Variants in ATP6V1G3 observed in about 807,000 individuals in gnomAD.
ATP6V1G3 encodes the protein V-type proton ATPase subunit G 3.
A neutral mutation model predicts 9.3 loss-of-function variants in ATP6V1G3; 9 were observed. The observed-to-expected ratio is 0.97, with a 90% confidence interval of 0.59 to 1.69. The LOEUF is 1.69. ATP6V1G3 is among the 40% of genes most tolerant of loss of function. The probability of loss-of-function intolerance (pLI) is 0.00; values close to 1 mark genes in which losing one functional copy is unlikely to be tolerated. For synonymous variants in ATP6V1G3, 43 were observed against 43.8 expected, an observed-to-expected ratio of 0.98 and a Z score of 0.07; for missense variants, 133 against 139.0, an observed-to-expected ratio of 0.96 and a Z score of 0.22.
chr1:198,529,085 G>A lies in ATP6V1G3; in HGVS notation c.179C>T (p.Ser60Phe), dbSNP rs1659780470. Residue 60 changes from serine to phenylalanine, a missense_variant, in exon 2 of 3, where the codon TCT becomes TTT. Ser to Phe is a radical substitution (Grantham distance 155). Transcript: ENST00000367382. The stretch of plus-strand genomic sequence containing the variant: ...AGTGCTGACTTTCTTACTCACCTTA[G>A]ATTGTTTTAGTCGAAACTCTTTATC... ...QRDKEFRLKQ[S>F]KIMGSQNNLS... 1 of 1,474,192 alleles carries A rather than the reference G, an allele frequency of 6.8e-7. No individual in the cohort carries two copies. The highest frequency in any genetic ancestry group is 9.3e-7 in the Non-Finnish European group (1 of 1,078,060). The allele number at this position is 1,474,192 out of a possible 1,614,324, so 91.3% of individuals were successfully genotyped here.
At chr1:198,536,305 C>T (rs528781693) in intron 1 of ATP6V1G3, among the ~76,000 whole-genome samples, 3 of 152,188 alleles carry the variant, frequency 2.0e-5, no homozygotes, top group Admixed American at 6.5e-5. Flanking sequence ...AAAAATGCAA[C>T]ATATTTCAGA....
intron 2 of ATP6V1G3, among the ~76,000 whole-genome samples, chr1:198,524,024 G>A (rs747453683): frequency 6.6e-6 from 1 of 151,920 alleles, no homozygotes; most frequent in Non-Finnish European, 1.5e-5. Flanking sequence ...GGTTTTTAAA[G>A]AGTGTTTTTC....
chr1:198,523,858 C>T (rs1031499795), intron 2 of ATP6V1G3, among the ~76,000 whole-genome samples: 1 of 152,148 alleles, frequency 6.6e-6, no homozygotes, highest in Non-Finnish European at 1.5e-5. Context: ...TTTTCCATCA[C>T]ATTTTTCATG....
At chr1:198,537,964 C>T (rs913148406) in intron 1 of ATP6V1G3, among the ~76,000 whole-genome samples, 1 of 152,138 alleles carries the variant, frequency 6.6e-6, no homozygotes, top group Non-Finnish European at 1.5e-5. Context: ...ACTTTAATAC[C>T]TGCTGATAGC....
intron 1 of ATP6V1G3, chr1:198,536,685 C>T (rs758949576): frequency 4.4e-6 from 7 of 1,602,158 alleles, no homozygotes; most frequent in African/African-American, 1.3e-5. Context: ...TTACCAGAAG[C>T]AGTCCCAGTC....
intron 1 of ATP6V1G3, among the ~76,000 whole-genome samples, chr1:198,537,554 C>G (rs771784407): frequency 2.0e-5 from 3 of 152,170 alleles, no homozygotes; most frequent in African/African-American, 4.8e-5. Context: ...ATGGTGTTCA[C>G]TATTGTGACT....
intron 1 of ATP6V1G3, among the ~76,000 whole-genome samples, chr1:198,534,352 C>G (rs1220467827): frequency 6.6e-6 from 1 of 152,100 alleles, no homozygotes. Context: ...GATGCAGCTG[C>G]GAGACAAGGA....
chr1:198,538,141 GT>G (rs1409133050), intron 1 of ATP6V1G3, among the ~76,000 whole-genome samples: 1 of 152,082 alleles, frequency 6.6e-6, no homozygotes, highest in Non-Finnish European at 1.5e-5. Context: ...ACTATTACTG[GT>G]TGAATATCCC....
chr1:198,526,992 G>C (rs866545092), intron 2 of ATP6V1G3, among the ~76,000 whole-genome samples: 1 of 152,260 alleles, frequency 6.6e-6, no homozygotes, highest in South Asian at 2.1e-4. Flanking sequence ...ATTTGCTAAC[G>C]TACAGCCCAC....
chr1:198,524,793 A>G (rs933107061), intron 2 of ATP6V1G3, among the ~76,000 whole-genome samples: 1 of 152,222 alleles, frequency 6.6e-6, no homozygotes, highest in Non-Finnish European at 1.5e-5. Context: ...AAAGGCAAGA[A>G]GACTGTTTTA....
At chr1:198,523,995 A>C (rs986242222) in intron 2 of ATP6V1G3, among the ~76,000 whole-genome samples, 15 of 152,162 alleles carry the variant, frequency 9.9e-5, no homozygotes, top group African/African-American at 3.6e-4. Flanking sequence ...AGAGTGTTTA[A>C]AAGTTTTAAA....
At chr1:198,529,930 G>C (rs1536318) in intron 1 of ATP6V1G3, among the ~76,000 whole-genome samples, 7,933 of 152,136 alleles carry the variant, frequency 0.052, 257 homozygotes, top group Middle Eastern at 0.088. Context: ...ATAAACGAAA[G>C]TTTTAGACGA....
In ATP6V1G3 at chr1:198,523,517, T is replaced by A; in HGVS notation, c.231A>T (p.Thr77=). Residue 77 remains threonine (T), a synonymous_variant, in exon 3 of 3, where the codon ACA becomes ACT. Coordinates refer to ENST00000367382, the MANE Select transcript of ATP6V1G3 (RefSeq NM_001376861.1). ...CATTAAGTTCTTGTATCTTCCCTAGTGTTTGTTCTTCTATTTCATCTGAGA... is the reference window on the plus strand; with the variant it reads ...CATTAAGTTCTTGTATCTTCCCTAGAGTTTGTTCTTCTATTTCATCTGAGA... The part of the protein sequence containing the change: ...NNLSDEIEEQ[T]LGKIQELNGH... 6.2e-7 allele frequency: 1 copy of A among 1,613,596 alleles called. No homozygotes were observed.
At chr1:198,524,256 C>T (rs1659571061) in intron 2 of ATP6V1G3, among the ~76,000 whole-genome samples, 1 of 151,782 alleles carries the variant, frequency 6.6e-6, no homozygotes, top group Non-Finnish European at 1.5e-5. Context: ...TCACAAGTAG[C>T]TGGGACTACA....
intron 1 of ATP6V1G3, among the ~76,000 whole-genome samples, chr1:198,538,834 T>G (rs996274005): frequency 7.3e-6 from 1 of 136,486 alleles, no homozygotes; most frequent in Non-Finnish European, 1.5e-5. Context: ...GAGATGGAGG[T>G]GGCAAGGAGC....
At chr1:198,529,956 A>T (rs1277756160) in intron 1 of ATP6V1G3, among the ~76,000 whole-genome samples, 2 of 152,142 alleles carry the variant, frequency 1.3e-5, no homozygotes, top group East Asian at 1.9e-4. Flanking sequence ...ATGCTGTGGT[A>T]ATCATTAGCT....
At position 198,523,538 on chromosome 1, in the gene ATP6V1G3, T is replaced by G; in HGVS notation, c.210A>C (p.Ser70=). 6.2e-7 allele frequency: 1 copy of G among 1,613,140 alleles called. No homozygotes were observed. The highest frequency in any genetic ancestry group is 8.5e-7 in the Non-Finnish European group (1 of 1,179,600). The change falls in exon 3 of 3, where the codon TCA becomes TCC. Residue 70 remains serine (S), a synonymous_variant. Coordinates refer to ENST00000367382, the MANE Select transcript of ATP6V1G3 (RefSeq NM_001376861.1). Reference sequence around the variant, plus strand: ...CTAGTGTTTGTTCTTCTATTTCATCTGAGAGATTATTCTGAGAGCCCATTA... The same window carrying G: ...CTAGTGTTTGTTCTTCTATTTCATCGGAGAGATTATTCTGAGAGCCCATTA... ...SKIMGSQNNL[S]DEIEEQTLGK... is the part of the protein sequence containing the mutation.
chr1:198,523,448 C>G lies in ATP6V1G3; in HGVS notation c.300G>C (p.Leu100Phe). ...CTGGTTTCATGTCACAGACCATGCT[C>G]AAGAGCTGGTTCATCACACTTTCCA... ...KYMESVMNQL[L>F]SMVCDMKPEI... is the part of the protein sequence containing the mutation. The change falls in exon 3 of 3, where the codon TTG (leucine) becomes TTC (phenylalanine). Residue 100 changes from leucine (L) to phenylalanine (F), a missense_variant. Physicochemically the swap from Leu to Phe is conservative, Grantham distance 22 (BLOSUM62 0). Transcript: ENST00000367382. The G allele has an allele frequency of 6.2e-7, 1 of 1,613,528 alleles. No homozygotes were observed. Among genetic ancestry groups the G allele is most frequent in the Non-Finnish European group, 8.5e-7 (1 of 1,179,742 alleles).
chr1:198,536,753 T>C (rs780192369), intron 1 of ATP6V1G3: 5 of 1,553,396 alleles, frequency 3.2e-6, no homozygotes, highest in Non-Finnish European at 4.4e-6. Flanking sequence ...ACAAATGGAA[T>C]GAGATCATTC....
Sources: gnomAD v4.1 joint callset for allele counts (sites outside exome capture counted in the v4.1 genomes callset) on GRCh38, gnomAD v4.1.1 for gene constraint, MANE v1.5 for transcripts, NCBI Gene and HGNC (gene_info 2026-07-23, HGNC 2026-07-21) for gene names.